NEDD9: variants seen among roughly 807,000 people sequenced by gnomAD.
NEDD9 encodes neural precursor cell expressed, developmentally down-regulated 9, also known as enhancer of filamentation 1.
In NEDD9, 26 loss-of-function variants were observed where a neutral mutation model predicts 76.6. The observed-to-expected ratio is 0.34, with a 90% CI of 0.25 to 0.47. NEDD9 has a LOEUF of 0.47. Ranked by LOEUF, NEDD9 falls within the 20% of genes least tolerant of loss-of-function variation. The pLI, the probability that NEDD9 is intolerant of heterozygous loss-of-function variation, is 1.00. For synonymous variants in NEDD9, 392 were observed against 414.2 expected, an observed-to-expected ratio of 0.95 and a Z score of 0.65; for missense variants, 937 against 1,058.5, an observed-to-expected ratio of 0.89 and a Z score of 1.59.
chr6:11,284,842 C>T (rs1000170841), intron 3 of NEDD9, among the ~76,000 whole-genome samples: 1 of 150,492 alleles, frequency 6.6e-6, no homozygotes, highest in Non-Finnish European at 1.5e-5. Flanking sequence ...ATTAATATAA[C>T]TAATATTTAT....
chr6:11,342,877 T>C (rs556247916), intron 1 of NEDD9, among the ~76,000 whole-genome samples: 1 of 152,300 alleles, frequency 6.6e-6, no homozygotes, highest in Admixed American at 6.5e-5. Flanking sequence ...ACATGCATAG[T>C]TGCATATTAA....
chr6:11,331,101 G>C, intron 2 of NEDD9, among the ~76,000 whole-genome samples: 1 of 152,158 alleles, frequency 6.6e-6, no homozygotes, highest in Admixed American at 6.5e-5. Flanking sequence ...AACCCAAAAT[G>C]CTCTTTTCCT....
chr6:11,240,261 G>A (rs1759687321), intron 3 of NEDD9, among the ~76,000 whole-genome samples: 2 of 151,996 alleles, frequency 1.3e-5, no homozygotes, highest in South Asian at 2.1e-4. Flanking sequence ...ACAGCGACGC[G>A]GTGGGTCTCC....
chr6:11,355,760 G>A (rs1041259588), intron 1 of NEDD9, among the ~76,000 whole-genome samples: 16 of 151,122 alleles, frequency 1.1e-4, no homozygotes, highest in African/African-American at 1.5e-4. Flanking sequence ...TCGCTCTGTC[G>A]CCCAGGCTGG....
rs60754645 is a variant in NEDD9 at position 11,274,839 on chromosome 6, A to G, written c.12+31153T>C. ...TCAAAAAATTAAAAATAGGACTACC[A>G]TATGACCCAGCAATTCCATTCTGGT... On this transcript the variant is annotated intron_variant, in intron 3 of 3. Transcript: ENST00000397378. Among the ~76,000 whole-genome samples the G allele has an allele frequency of 6.2e-3, 944 of 152,316 alleles. 13 individuals are homozygous for G. The highest frequency in any genetic ancestry group is 0.022 in the African/African-American group (898 of 41,552).
chr6:11,226,651 G>A (rs1052092648), intron 1 of NEDD9, among the ~76,000 whole-genome samples: 4 of 152,086 alleles, frequency 2.6e-5, no homozygotes, highest in African/African-American at 7.2e-5. Context: ...TTGAATTGAC[G>A]ACTTTCTCTT....
At chr6:11,337,611 C>T (rs1762189844) in intron 1 of NEDD9, among the ~76,000 whole-genome samples, 1 of 152,148 alleles carries the variant, frequency 6.6e-6, no homozygotes, top group Admixed American at 6.6e-5. Context: ...TTAGTGCATG[C>T]CTGCATTATT....
intron 1 of NEDD9, among the ~76,000 whole-genome samples, chr6:11,363,752 T>C (rs1288155293): frequency 6.6e-6 from 1 of 152,206 alleles, no homozygotes; most frequent in Non-Finnish European, 1.5e-5. Flanking sequence ...TTTGGGGATA[T>C]GTGAATTCAG....
At chr6:11,378,557 G>A (rs1287514137) in intron 1 of NEDD9, among the ~76,000 whole-genome samples, 1 of 152,182 alleles carries the variant, frequency 6.6e-6, no homozygotes, top group African/African-American at 2.4e-5. Context: ...GTTGGGTAGT[G>A]GGGTAACAGG....
intron 3 of NEDD9, among the ~76,000 whole-genome samples, chr6:11,275,583 A>AT (rs1205006180): frequency 7.0e-6 from 1 of 143,620 alleles, no homozygotes; most frequent in Non-Finnish European, 1.5e-5. Context: ...TATATACAAA[A>AT]TTTTTTTTAA....
chr6:11,307,292 T>C (rs1761212559), intron 2 of NEDD9, among the ~76,000 whole-genome samples: 1 of 152,210 alleles, frequency 6.6e-6, no homozygotes, highest in Non-Finnish European at 1.5e-5. Context: ...AACAGCCTCC[T>C]GTAATTTCAG....
At chr6:11,285,777 C>T (rs1309177274) in intron 3 of NEDD9, among the ~76,000 whole-genome samples, 2 of 152,150 alleles carry the variant, frequency 1.3e-5, no homozygotes, top group African/African-American at 4.8e-5. Context: ...GTTCTTTCAA[C>T]AAATGGTGCT....
intron 2 of NEDD9, among the ~76,000 whole-genome samples, chr6:11,308,608 A>T (rs1047435724): frequency 1.3e-5 from 2 of 152,094 alleles, no homozygotes; most frequent in South Asian, 4.2e-4. Context: ...TTACCTCGTG[A>T]TCCGCCCACC....
At chr6:11,295,196 G>T (rs139964085) in intron 3 of NEDD9, among the ~76,000 whole-genome samples, 3 of 152,260 alleles carry the variant, frequency 2.0e-5, no homozygotes, top group African/African-American at 7.2e-5. Flanking sequence ...ACCTTTGTAT[G>T]TACCTCTTGG....
chr6:11,258,720 G>A (rs1399964389), intron 3 of NEDD9: 1 of 152,208 alleles, frequency 6.6e-6, no homozygotes, highest in Non-Finnish European at 1.5e-5. Context: ...ATGTCCATTG[G>A]GTTGAAGGAC....
intron 1 of NEDD9, among the ~76,000 whole-genome samples, chr6:11,338,375 C>A (rs1202142791): frequency 1.3e-5 from 2 of 152,154 alleles, no homozygotes; most frequent in Non-Finnish European, 2.9e-5. Context: ...TCCTGACACC[C>A]TTGATCTCAG....
At chr6:11,232,395 C>T in intron 1 of NEDD9, 109 bp downstream of exon 1, 1 of 1,387,260 alleles carries the variant, frequency 7.2e-7, no homozygotes, top group South Asian at 1.2e-5. Flanking sequence ...CATCTTAGAA[C>T]TCTCCGGGAC....
intron 2 of NEDD9, among the ~76,000 whole-genome samples, chr6:11,334,165 G>T (rs1762102593): frequency 6.6e-6 from 1 of 152,192 alleles, no homozygotes; most frequent in Non-Finnish European, 1.5e-5. Flanking sequence ...AGTGGAAAAA[G>T]CTGTTTATAA....
chr6:11,249,781 G>A (rs1238594301), intron 3 of NEDD9, among the ~76,000 whole-genome samples: 1 of 152,194 alleles, frequency 6.6e-6, no homozygotes. Context: ...CTCATGGTAG[G>A]TAGTCATGCT....
Sources: allele counts gnomAD v4.1 joint callset (sites outside exome capture counted in the v4.1 genomes callset), GRCh38; gene constraint gnomAD v4.1.1; transcripts MANE v1.5; gene names NCBI Gene and HGNC (gene_info 2026-07-23, HGNC 2026-07-21).